Variants in SLC4A4 observed in about 807,000 individuals in gnomAD.
SLC4A4 encodes the protein solute carrier family 4 member 4.
In SLC4A4, 27 loss-of-function variants were observed where a neutral mutation model predicts 111.5. The observed-to-expected ratio is 0.24, with a 90% CI of 0.18 to 0.33. The LOEUF is 0.33. Ranked by LOEUF, SLC4A4 falls within the 10% of genes least tolerant of loss-of-function variation. SLC4A4 has a pLI of 1.00. For synonymous variants in SLC4A4, 443 were observed against 463.4 expected, an observed-to-expected ratio of 0.96 and a Z score of 0.57; for missense variants, 909 against 1,315.5, an observed-to-expected ratio of 0.69 and a Z score of 4.78.
At chr4:71,564,456 T>G (rs1424191072) in intron 24 of SLC4A4, among the ~76,000 whole-genome samples, 2 of 151,946 alleles carry the variant, frequency 1.3e-5, no homozygotes, top group Non-Finnish European at 2.9e-5. Context: ...TATTTCAAAA[T>G]TATTATTATA....
intron 5 of SLC4A4, among the ~76,000 whole-genome samples, chr4:71,352,745 G>A (rs980802391): frequency 6.6e-6 from 1 of 152,190 alleles, no homozygotes; most frequent in Admixed American, 6.5e-5. Context: ...AGTATGAATA[G>A]TTTATCCAGA....
chr4:71,535,859 A>AC (rs1734366573), intron 18 of SLC4A4, among the ~76,000 whole-genome samples: 1 of 28,758 alleles, frequency 3.5e-5, no homozygotes, highest in Non-Finnish European at 8.8e-5. Context: ...AAACAAACAA[A>AC]CAAAACAAAC....
intron 7 of SLC4A4, among the ~76,000 whole-genome samples, chr4:71,408,138 T>C (rs1228407886): frequency 6.6e-6 from 1 of 152,204 alleles, no homozygotes; most frequent in Non-Finnish European, 1.5e-5. Context: ...TCAGTCTTTT[T>C]TCACTGACCT....
chr4:71,366,348 TG>T (rs1432339910), intron 6 of SLC4A4, among the ~76,000 whole-genome samples: 1 of 151,882 alleles, frequency 6.6e-6, no homozygotes, highest in African/African-American at 2.4e-5. Flanking sequence ...TGTGTGTGTG[TG>T]TGTGTGTATC....
chr4:71,437,014 A>G (rs572256245), intron 7 of SLC4A4: 1 of 368,546 alleles, frequency 2.7e-6, no homozygotes, highest in Non-Finnish European at 5.3e-6. Flanking sequence ...TAAATCAGCT[A>G]CAGATAGGCC....
intron 16 of SLC4A4, among the ~76,000 whole-genome samples, chr4:71,507,791 T>C (rs1482028821): frequency 1.3e-5 from 2 of 152,170 alleles, no homozygotes; most frequent in African/African-American, 4.8e-5. Flanking sequence ...AGAATATACT[T>C]TCTTCTCATC....
chr4:71,172,112 T>C (rs1214219872), intron 2 of SLC4A4, among the ~76,000 whole-genome samples: 1 of 152,234 alleles, frequency 6.6e-6, no homozygotes, highest in Non-Finnish European at 1.5e-5. Context: ...AATGTGGGGT[T>C]ACTTTCCTTG....
intron 2 of SLC4A4, among the ~76,000 whole-genome samples, chr4:71,144,184 C>T (rs1744097745): frequency 6.6e-6 from 1 of 152,168 alleles, no homozygotes; most frequent in Admixed American, 6.6e-5. Flanking sequence ...GTTTTCCCAG[C>T]ACCATCTACT....
At chr4:71,187,617 CCTT>C (rs1745534616) in intron 1 of SLC4A4, among the ~76,000 whole-genome samples, 1 of 151,908 alleles carries the variant, frequency 6.6e-6, no homozygotes. Context: ...TATTTTTTTT[CCTT>C]CTTAGGGTTT....
intron 2 of SLC4A4, among the ~76,000 whole-genome samples, chr4:71,133,456 G>A (rs185595777): frequency 1.9e-4 from 29 of 152,268 alleles, no homozygotes; most frequent in Non-Finnish European, 3.4e-4. Flanking sequence ...ACTCAGCTGC[G>A]GGAGTCAGCC....
At chr4:71,184,778 T>C (rs934867599), upstream of SLC4A4, among the ~76,000 whole-genome samples, 3 of 152,140 alleles carry the variant, frequency 2.0e-5, no homozygotes, top group African/African-American at 7.2e-5. Context: ...AGTGATCACA[T>C]GCAGAGTTTA....
chr4:71,199,953 C>CA (rs5859254), intron 1 of SLC4A4, among the ~76,000 whole-genome samples: 24,216 of 152,042 alleles, frequency 0.16, 3,135 homozygotes, highest in African/African-American at 0.33. Context: ...GTCCAGCCCA[C>CA]GAGTCTTTTA....
chr4:71,313,922 A>G (rs950733473), intron 3 of SLC4A4, among the ~76,000 whole-genome samples: 30 of 152,230 alleles, frequency 2.0e-4, no homozygotes, highest in Non-Finnish European at 3.1e-4. Flanking sequence ...GATAAATGGG[A>G]TCTAATTAAA....
At position 71,557,589 on chromosome 4, in the gene SLC4A4, T is replaced by G. The variant is rs191205060; in HGVS notation, c.2764-123T>G. 3.2e-6 allele frequency: 3 copies of G among 934,322 alleles called. No individual in the cohort carries two copies. In the East Asian group the frequency reaches 7.7e-5, roughly 24 times the overall value. 57.9% of individuals were successfully genotyped at this position (934,322 alleles called of 1,614,324 possible). A position where few individuals can be genotyped will look rare whatever the true frequency, so the allele number is the denominator to read the frequency against. On this transcript the variant is annotated intron_variant, in intron 21 of 25. Coordinates refer to ENST00000264485, the MANE Select transcript of SLC4A4 (RefSeq NM_001098484.3). ...AATTTCTGCATTCCTTGACCATTCCTTTGTCCTCTGAAAAGGACACTGCTT... is the reference window on the plus strand; with the variant it reads ...AATTTCTGCATTCCTTGACCATTCCGTTGTCCTCTGAAAAGGACACTGCTT...
At chr4:71,255,153 C>T in intron 2 of SLC4A4, 67 bp from the exon 3 acceptor site, 2 of 1,354,796 alleles carry the variant, frequency 1.5e-6, no homozygotes, top group Non-Finnish European at 2.1e-6. Context: ...ATCTGTGTAT[C>T]TTGTGCAATT....
At chr4:71,487,377 C>A (rs1009121384) in intron 15 of SLC4A4, among the ~76,000 whole-genome samples, 1 of 151,622 alleles carries the variant, frequency 6.6e-6, no homozygotes, top group Admixed American at 6.6e-5. Flanking sequence ...CTCTGTTTCT[C>A]GTATGGTTAA....
At chr4:71,108,351 G>T (rs1175524574) in intron 2 of SLC4A4, among the ~76,000 whole-genome samples, 1 of 152,058 alleles carries the variant, frequency 6.6e-6, no homozygotes, top group Non-Finnish European at 1.5e-5. Context: ...CTCAATTTTT[G>T]TTTATCTGAG....
intron 1 of SLC4A4, among the ~76,000 whole-genome samples, chr4:71,090,533 A>G (rs957332209): frequency 1.3e-5 from 2 of 152,230 alleles, no homozygotes; most frequent in African/African-American, 4.8e-5. Context: ...TGTATGTGTT[A>G]AGATAAAGGG....
At chr4:71,346,125 C>G (rs1245883587) in intron 4 of SLC4A4, among the ~76,000 whole-genome samples, 2 of 151,764 alleles carry the variant, frequency 1.3e-5, no homozygotes, top group Non-Finnish European at 2.9e-5. Flanking sequence ...TGGAAAGTTG[C>G]AAAATTCAGT....
Sources: gnomAD v4.1 joint callset for allele counts (sites outside exome capture counted in the v4.1 genomes callset) on GRCh38, gnomAD v4.1.1 for gene constraint, MANE v1.5 for transcripts, NCBI Gene and HGNC (gene_info 2026-07-23, HGNC 2026-07-21) for gene names.